Variants in LRRK1 observed in about 807,000 individuals in gnomAD.
LRRK1 encodes leucine rich repeat kinase 1, also known as leucine-rich repeat serine/threonine-protein kinase 1.
Under a neutral mutation model 209.1 loss-of-function variants are expected in LRRK1, and 113 were observed. That is an observed-to-expected ratio of 0.54 (90% CI 0.46 to 0.63). The LOEUF is 0.63. Ranked by LOEUF, LRRK1 falls within the 30% of genes least tolerant of loss-of-function variation. LRRK1 has a pLI of 0.00. For missense variants in LRRK1, 2,284 were observed against 2,632.2 expected, an observed-to-expected ratio of 0.87 and a Z score of 2.89; for synonymous variants, 1,144 against 1,099.7, an observed-to-expected ratio of 1.04 and a Z score of -0.80.
intron 6 of LRRK1, among the ~76,000 whole-genome samples, chr15:100,995,986 T>C (rs1013794662): frequency 6.6e-5 from 10 of 152,262 alleles, no homozygotes; most frequent in Non-Finnish European, 1.5e-4. Context: ...GTCAGTGCCC[T>C]GAGCGCAAGC....
chr15:101,048,618 A>G lies in LRRK1; in HGVS notation c.3260A>G (p.Gln1087Arg). The G allele has an allele frequency of 6.4e-7, 1 of 1,550,560 alleles. No individual in the cohort carries two copies. Among genetic ancestry groups the G allele is most frequent in the African/African-American group, 1.4e-5 (1 of 70,218 alleles). The change falls in exon 22 of 34, where the codon CAG becomes CGG. Residue 1087 changes from glutamine to arginine, a missense_variant. By Grantham distance (43) the Gln-to-Arg change is conservative. Coordinates refer to ENST00000388948, the MANE Select transcript of LRRK1 (RefSeq NM_024652.6). ...AAAAGAAATCAGACCATCTATTGGC[A>G]GGAAGGGCTCCTGGTCACTTTTGAT... The part of the protein sequence containing the change: ...RVKRNQTIYW[Q>R]EGLLVTFDGG...
intron 30 of LRRK1, among the ~76,000 whole-genome samples, chr15:101,061,962 C>T (rs1414168020): frequency 3.3e-5 from 5 of 152,200 alleles, no homozygotes; most frequent in African/African-American, 9.7e-5. Context: ...GAGCCAAGAT[C>T]GCACCATTGC....
chr15:100,974,589 T>C (rs1381860586), intron 3 of LRRK1, among the ~76,000 whole-genome samples: 1 of 152,236 alleles, frequency 6.6e-6, no homozygotes, highest in Admixed American at 6.5e-5. Flanking sequence ...ACACTCCATC[T>C]AGAGGGACCG....
intron 2 of LRRK1, among the ~76,000 whole-genome samples, chr15:100,933,821 C>CAAAAAAAAAAA (rs67129854): frequency 4.7e-5 from 2 of 42,866 alleles, no homozygotes; most frequent in Admixed American, 4.4e-4. Flanking sequence ...GACTCCATCT[C>CAAAAAAAAAAA]AAAAAAAAAA....
In LRRK1 at chr15:100,973,867, G is replaced by C. The variant is rs756857060; in HGVS notation, c.161G>C (p.Arg54Thr). 5.2e-5 allele frequency: 67 copies of C among 1,288,482 alleles called. No homozygotes were observed. The African/African-American group carries it at 8.6e-4, about 17-fold the overall frequency. 79.8% of individuals were successfully genotyped at this position (1,288,482 alleles called of 1,614,324 possible). A position where few individuals can be genotyped will look rare whatever the true frequency, so the allele number is the denominator to read the frequency against. ...GGTGACCCTGCAGCGCGGTCCCGCA[G>C]GACGGAAGGCATCCGCGCCGCGTAC... ...RGGDPAARSRRTEGIRAAYRR... is the reference protein window; with the variant it reads ...RGGDPAARSRTTEGIRAAYRR... Residue 54 changes from arginine (R) to threonine (T), a missense_variant, in exon 3 of 34, where the codon AGG (arginine) becomes ACG (threonine). Arg to Thr is a moderately conservative substitution (Grantham distance 71, BLOSUM62 -1). Around this residue, in one of 6 missense-constraint regions of LRRK1, gnomAD observed 174 missense variants for 133.5 expected, o/e 1.30. Transcript: ENST00000388948.
intron 12 of LRRK1, among the ~76,000 whole-genome samples, chr15:101,017,950 A>C (rs192311446): frequency 4.8e-4 from 73 of 152,246 alleles, no homozygotes; most frequent in African/African-American, 1.6e-3. Flanking sequence ...TATAGGTATA[A>C]CTTTGCTATG....
chr15:100,973,890 T>C lies in LRRK1; in HGVS notation c.184T>C (p.Tyr62His). ...CAGGACGGAAGGCATCCGCGCCGCG[T>C]ACAGGCGGGGAGACCGCGGCGGCGC... ...SRRTEGIRAA[Y>H]RRGDRGGARD... is the part of the protein sequence containing the mutation. The change falls in exon 3 of 34, where the codon TAC becomes CAC. Residue 62 changes from tyrosine to histidine, a missense_variant. By Grantham distance (83) the Tyr-to-His change is moderately conservative. Transcript: ENST00000388948. 1 of 1,277,290 alleles carries C rather than the reference T, an allele frequency of 7.8e-7. No homozygotes were observed. Among genetic ancestry groups the C allele is most frequent in the Non-Finnish European group, 9.9e-7 (1 of 1,006,344 alleles). The allele number at this position is 1,277,290 out of a possible 1,614,324, so 79.1% of individuals were successfully genotyped here.
chr15:101,008,326 T>C (rs2033070192), intron 6 of LRRK1, among the ~76,000 whole-genome samples: 1 of 152,110 alleles, frequency 6.6e-6, no homozygotes, highest in Admixed American at 6.5e-5. Context: ...TCAGGCTCGC[T>C]CTGAAAGCAG....
At chr15:100,969,236 A>G (rs750361786) in intron 2 of LRRK1, among the ~76,000 whole-genome samples, 43 of 152,170 alleles carry the variant, frequency 2.8e-4, no homozygotes, top group Non-Finnish European at 4.6e-4. Context: ...TTTTGAAAAT[A>G]CGTTATTGTA....
Position 100,924,674 on chromosome 15 carries a change from T to C in LRRK1, c.42T>C (p.Cys14=), listed in dbSNP as rs1228726751. ...AAAGACCCCCCAGCATGTACTGGTG[T>C]GTGGGGCCGGAGGAGTCAGCTGTGT... is the stretch of plus-strand genomic sequence containing the variant. ...MSQRPPSMYW[C]VGPEESAVCP... The change falls in exon 2 of 34, where the codon TGT becomes TGC. Residue 14 remains cysteine (C), a synonymous_variant. Transcript: ENST00000388948. 6.2e-6 allele frequency: 10 copies of C among 1,613,970 alleles called. No individual in the cohort carries two copies. Among genetic ancestry groups the C allele is most frequent in the African/African-American group, 1.3e-5 (1 of 74,886 alleles).
chr15:100,944,057 G>T (rs1421902303), intron 2 of LRRK1, among the ~76,000 whole-genome samples: 1 of 152,076 alleles, frequency 6.6e-6, no homozygotes, highest in Non-Finnish European at 1.5e-5. Flanking sequence ...AAATCATGAA[G>T]CGGGGCTGTT....
Position 101,051,966 on chromosome 15 carries a change from C to T in LRRK1, c.3689+6C>T. The T allele has an allele frequency of 6.2e-7, 1 of 1,611,306 alleles. No individual in the cohort carries two copies. The highest frequency in any genetic ancestry group is 8.5e-7 in the Non-Finnish European group (1 of 1,178,478). ...ATGACCGACTTCCCGGCCAGGTATG[C>T]CCCGAAGGCCCCTCCCAGAACACAG... is the stretch of plus-strand genomic sequence containing the variant. On this transcript the variant is annotated splice_donor_region_variant and intron_variant, in intron 24 of 33. Transcript: ENST00000388948.
At chr15:101,011,944 C>A in intron 9 of LRRK1, 64 bp from the exon 10 acceptor site, 1 of 1,201,506 alleles carries the variant, frequency 8.3e-7, no homozygotes, top group South Asian at 1.4e-5. Flanking sequence ...GAAACAGTCT[C>A]AAAGGCACCA....
intron 6 of LRRK1, among the ~76,000 whole-genome samples, chr15:100,996,725 C>T (rs966293): frequency 0.24 from 35,780 of 152,152 alleles, 4,473 homozygotes; most frequent in East Asian, 0.5. Flanking sequence ...AGGGGAACAG[C>T]GCGTGGCTTC....
In LRRK1 at chr15:101,069,611, T is replaced by C. The variant is rs968633978; in HGVS notation, c.*763T>C. The C allele has an allele frequency of 1.3e-5, 2 of 152,682 alleles. No individual in the cohort carries two copies. The highest frequency in any genetic ancestry group is 4.8e-5 in the African/African-American group (2 of 41,464). The allele number at this position is 152,682 out of a possible 1,614,324, so 9.5% of individuals were successfully genotyped here. A position where few individuals can be genotyped will look rare whatever the true frequency, so the allele number is the denominator to read the frequency against. ...AGGACTTCAGAAAGGGCCTTGTGTTTATAGCTTTGTCAAGTAAATTTGGAC... is the reference window on the plus strand; with the variant it reads ...AGGACTTCAGAAAGGGCCTTGTGTTCATAGCTTTGTCAAGTAAATTTGGAC... On this transcript the variant is annotated 3_prime_UTR_variant, in exon 34 of 34. Coordinates refer to ENST00000388948, the MANE Select transcript of LRRK1 (RefSeq NM_024652.6).
chr15:100,972,037 A>C (rs1443535534), intron 2 of LRRK1, among the ~76,000 whole-genome samples: 8 of 151,286 alleles, frequency 5.3e-5, no homozygotes, highest in Admixed American at 2.6e-4. Context: ...ATCTCAGCTC[A>C]CTGCTACCTC....
At chr15:101,059,234 A>T (rs1330123477) in intron 29 of LRRK1, among the ~76,000 whole-genome samples, 1 of 151,996 alleles carries the variant, frequency 6.6e-6, no homozygotes, top group Non-Finnish European at 1.5e-5. Flanking sequence ...TACAAAAATA[A>T]ATAAATAACA....
intron 2 of LRRK1, among the ~76,000 whole-genome samples, chr15:100,951,373 A>T (rs1030088238): frequency 1.3e-5 from 2 of 152,176 alleles, no homozygotes; most frequent in Admixed American, 6.5e-5. Flanking sequence ...AGTTTGGAAA[A>T]TGGTTTGGCA....
rs982501451 is a variant in LRRK1 at position 101,029,140 on chromosome 15, G to T, written c.2871G>T (p.Leu957=). The change falls in exon 20 of 34, where the codon CTG becomes CTT. Residue 957 remains leucine, a synonymous_variant. Coordinates refer to ENST00000388948, the MANE Select transcript of LRRK1 (RefSeq NM_024652.6). ...TCAGAGCAGAAGACCTCAGGATGCTGCTGGTGGGGACTGGCTTCACGCAGC... is the reference window on the plus strand; with the variant it reads ...TCAGAGCAGAAGACCTCAGGATGCTTCTGGTGGGGACTGGCTTCACGCAGC... ...GVIRAEDLRM[L]LVGTGFTQQT... 1 of 1,614,092 alleles carries T rather than the reference G, an allele frequency of 6.2e-7. No individual in the cohort carries two copies. The highest frequency in any genetic ancestry group is 1.3e-5 in the African/African-American group (1 of 74,934).
Sources: allele counts gnomAD v4.1 joint callset (sites outside exome capture counted in the v4.1 genomes callset), GRCh38; gene constraint gnomAD v4.1.1; regional missense constraint gnomAD v4.1.1; transcripts MANE v1.5; gene names NCBI Gene and HGNC (gene_info 2026-07-23, HGNC 2026-07-21).